ATP2B2: variants seen among roughly 807,000 people sequenced by gnomAD.
ATP2B2 encodes plasma membrane calcium-transporting ATPase 2.
ATP2B2 carries 15 observed loss-of-function variants against 120.0 expected under a neutral mutation model. That is an observed-to-expected ratio of 0.12 (90% CI 0.08 to 0.19). The LOEUF is 0.19. Among genes scored for constraint, ATP2B2 ranks in the 10% least tolerant of loss-of-function variants. The pLI, the probability that ATP2B2 is intolerant of heterozygous loss-of-function variation, is 1.00. For synonymous variants in ATP2B2, 694 were observed against 700.3 expected (o/e 0.99, Z 0.14); for missense variants, 1,045 against 1,719.8 (o/e 0.61, Z 6.94).
At chr3:10,618,412 G>A (rs1442822799) in intron 2 of ATP2B2, among the ~76,000 whole-genome samples, 1 of 152,210 alleles carries the variant, frequency 6.6e-6, no homozygotes, top group Non-Finnish European at 1.5e-5. Context: ...CATGAACAAG[G>A]AGACAAGGCC....
rs564187066 is a variant in ATP2B2 at position 10,449,522 on chromosome 3, C to T, written c.22G>A (p.Asp8Asn). MGDMTNSDFYSKNQRNES... is the reference protein window; with the variant it reads MGDMTNSNFYSKNQRNES... ...TTTCTTTGGTTTTTGGAGTAAAAGT[C>T]GCTGTTGGTCATGTCACCCATGTTT... Residue 8 changes from aspartate to asparagine, a missense_variant, in exon 2 of 23, where the codon GAC becomes AAC. Asp to Asn is a conservative substitution (Grantham distance 23). Around this residue, in one of 11 missense-constraint regions of ATP2B2, gnomAD observed 139 missense variants for 134.2 expected, o/e 1.04. Transcript: ENST00000360273. 6 of 1,614,240 alleles carry T rather than the reference C, an allele frequency of 3.7e-6. No individual in the cohort carries two copies. Among genetic ancestry groups the T allele is most frequent in the Non-Finnish European group, 5.1e-6 (6 of 1,180,048 alleles).
intron 2 of ATP2B2, among the ~76,000 whole-genome samples, chr3:10,612,742 G>A (rs1398061930): frequency 6.6e-6 from 1 of 152,076 alleles, no homozygotes; most frequent in African/African-American, 2.4e-5. Flanking sequence ...ATTACCCTCT[G>A]TTTTCCTGTA....
Position 10,379,277 on chromosome 3 carries a change from C to A in ATP2B2, c.1008G>T (p.Met336Ile). The A allele has an allele frequency of 6.2e-7, 1 of 1,614,220 alleles. No individual in the cohort carries two copies. The highest frequency in any genetic ancestry group is 2.2e-5 in the East Asian group (1 of 44,890). The change falls in exon 9 of 23, where the codon ATG (methionine) becomes ATT (isoleucine). Residue 336 changes from methionine to isoleucine, a missense_variant. This residue lies in a region of ATP2B2 where 145 missense variants were observed against 202.0 expected (regional missense o/e 0.72). Transcript: ENST00000360273. ...GGCTGGCGTCCACATTGCCATCCTG[C>A]ATTTTACCTACACGACAAAGAATTT... is the stretch of plus-strand genomic sequence containing the variant. Reference protein sequence around the residue: ...SANASLVNGKMQDGNVDASQS... With the variant: ...SANASLVNGKIQDGNVDASQS...
intron 2 of ATP2B2, among the ~76,000 whole-genome samples, chr3:10,575,790 A>G (rs2068231655): frequency 6.6e-6 from 1 of 152,184 alleles, no homozygotes; most frequent in Non-Finnish European, 1.5e-5. Context: ...GGCTCTATGT[A>G]GGGTTGCATT....
intron 2 of ATP2B2, among the ~76,000 whole-genome samples, chr3:10,583,447 C>T (rs2068437216): frequency 6.6e-6 from 1 of 152,152 alleles, no homozygotes; most frequent in Non-Finnish European, 1.5e-5. Context: ...TGACCCTAAG[C>T]CCTGTTTGTC....
intron 8 of ATP2B2, among the ~76,000 whole-genome samples, chr3:10,381,978 T>G (rs1326329566): frequency 7.8e-6 from 1 of 129,022 alleles, no homozygotes; most frequent in Non-Finnish European, 1.6e-5. Context: ...GTGAAATGGA[T>G]ATCAACTAAG....
chr3:10,660,476 A>G (rs76601087), intron 1 of ATP2B2, among the ~76,000 whole-genome samples: 33,481 of 152,106 alleles, frequency 0.22, 6,156 homozygotes, highest in African/African-American at 0.5. Context: ...ACACCTCTAC[A>G]CAAATAAACT....
intron 5 of ATP2B2, chr3:10,394,396 A>G (rs1481146871): frequency 4.3e-6 from 2 of 468,662 alleles, no homozygotes; most frequent in Non-Finnish European, 8.8e-6. Context: ...CGCAAGTTCA[A>G]TCCCCAGCCC....
chr3:10,412,184 C>T (rs1337484564), intron 2 of ATP2B2, among the ~76,000 whole-genome samples: 1 of 152,254 alleles, frequency 6.6e-6, no homozygotes, highest in Non-Finnish European at 1.5e-5. Context: ...GCACTGGCCA[C>T]TGTTTGCCTG....
In ATP2B2 at chr3:10,402,011, A is replaced by G. The variant is rs1309355160; in HGVS notation, c.655+80T>C. On this transcript the variant is annotated intron_variant, in intron 4 of 22. Transcript: ENST00000360273. The surrounding 1 kb of genome is among the most constrained non-coding windows in gnomAD (Gnocchi z 4.9). ...GGAATGCATCCCCTTCCTTGAGCCAATCTCTTTGCATCAGCCTGGCCTGTC... is the reference window on the plus strand; with the variant it reads ...GGAATGCATCCCCTTCCTTGAGCCAGTCTCTTTGCATCAGCCTGGCCTGTC... 6.3e-7 allele frequency: 1 copy of G among 1,599,020 alleles called. No individual in the cohort carries two copies. The highest frequency in any genetic ancestry group is 2.2e-5 in the East Asian group (1 of 44,850).
intron 2 of ATP2B2, among the ~76,000 whole-genome samples, chr3:10,611,143 C>T (rs929510208): frequency 2.6e-5 from 4 of 152,354 alleles, no homozygotes; most frequent in Admixed American, 1.3e-4. Context: ...CCTGTTAGAA[C>T]GGGTGGTTCC....
At chr3:10,647,293 A>C (rs1360805664) in intron 1 of ATP2B2, among the ~76,000 whole-genome samples, 10 of 152,162 alleles carry the variant, frequency 6.6e-5, no homozygotes, top group Admixed American at 5.2e-4. Context: ...CAGGAAGTCA[A>C]GTGGTGGATG....
chr3:10,326,357 G>A lies in ATP2B2; in HGVS notation c.*2457C>T. The A allele has an allele frequency of 5.1e-6, 1 of 196,472 alleles. No individual in the cohort carries two copies. Among genetic ancestry groups the A allele is most frequent in the Non-Finnish European group, 1.0e-5 (1 of 97,154 alleles). The allele number at this position is 196,472 out of a possible 1,614,324, so 12.2% of individuals were successfully genotyped here. A position where few individuals can be genotyped will look rare whatever the true frequency, so the allele number is the denominator to read the frequency against. On this transcript the variant is annotated 3_prime_UTR_variant, in exon 23 of 23. Transcript: ENST00000360273. ...CAAGAGAAGACCAACGCTAATGTTGGCATTCTTCCATCGCTCCCTGTTCCC... is the reference window on the plus strand; with the variant it reads ...CAAGAGAAGACCAACGCTAATGTTGACATTCTTCCATCGCTCCCTGTTCCC...
intron 1 of ATP2B2, among the ~76,000 whole-genome samples, chr3:10,490,434 C>G (rs1359783885): frequency 6.9e-6 from 1 of 145,756 alleles, no homozygotes; most frequent in African/African-American, 2.5e-5. Flanking sequence ...GATGGAGTCT[C>G]TCTCTGTCGC....
At chr3:10,438,398 T>C (rs911947826) in intron 2 of ATP2B2, among the ~76,000 whole-genome samples, 1 of 152,210 alleles carries the variant, frequency 6.6e-6, no homozygotes, top group Non-Finnish European at 1.5e-5. Flanking sequence ...TTCGTCCTAC[T>C]TCCTGGCGAC....
Position 10,504,686 on chromosome 3 carries a change from G to C in ATP2B2, c.-320+779C>G, listed in dbSNP as rs1046619458. Among the ~76,000 whole-genome samples the C allele has an allele frequency of 5.6e-4, 85 of 152,084 alleles. 1 individual carries two copies. Among genetic ancestry groups the C allele is most frequent in the African/African-American group, 1.9e-3 (79 of 41,430 alleles). ...CCCTCAGGGAGTCCTGAGGCCCCCT[G>C]CTGCATTTTCCCATCCTGACCCTGC... On this transcript the variant is annotated intron_variant, in intron 1 of 22. Coordinates refer to ENST00000360273, the MANE Select transcript of ATP2B2 (RefSeq NM_001001331.4).
In ATP2B2 at chr3:10,635,317, GTC is replaced by G. The variant is rs1382122052; in HGVS notation, c.-459-15358_-459-15357del. Reference sequence around the variant, plus strand: ...ATTTGCCTGAAGCCCCGGGTTTGGAGTCTCTGGTTGAGAGTTCCAGTGGTTAG... The same window carrying G: ...ATTTGCCTGAAGCCCCGGGTTTGGAGTCTGGTTGAGAGTTCCAGTGGTTAG... On this transcript the variant is annotated intron_variant, in intron 1 of 21. Transcript: ENST00000646379. This position sits in a 1 kb window ranked among gnomAD's most constrained non-coding sequence, Gnocchi z 4.3. Among the ~76,000 whole-genome samples, 1 of 152,160 alleles carries G rather than the reference GTC, an allele frequency of 6.6e-6. No individual in the cohort carries two copies. Among genetic ancestry groups the G allele is most frequent in the Non-Finnish European group, 1.5e-5 (1 of 68,036 alleles).
intron 2 of ATP2B2, among the ~76,000 whole-genome samples, chr3:10,545,521 T>C (rs2067526290): frequency 7.0e-6 from 1 of 142,418 alleles, no homozygotes; most frequent in African/African-American, 2.7e-5. Context: ...AGAGCAAGAA[T>C]CCATCTCAAA....
intron 2 of ATP2B2, among the ~76,000 whole-genome samples, chr3:10,571,072 C>G (rs1267601073): frequency 6.6e-6 from 1 of 152,224 alleles, no homozygotes; most frequent in African/African-American, 2.4e-5. Context: ...CTCCGTTGCT[C>G]TAAGAATTTA....
Sources: allele counts gnomAD v4.1 joint callset (sites outside exome capture counted in the v4.1 genomes callset), GRCh38; gene constraint gnomAD v4.1.1; regional missense constraint gnomAD v4.1.1; non-coding constraint Gnocchi (gnomAD v3.1); transcripts MANE v1.5; gene names NCBI Gene and HGNC (gene_info 2026-07-23, HGNC 2026-07-21).